The following ERI3 variants were observed in gnomAD, a reference collection of about 807,000 sequenced individuals.
ERI3 encodes ERI1 exoribonuclease 3.
ERI3 carries 18 observed loss-of-function variants against 44.4 expected under a neutral mutation model. That is an observed-to-expected ratio of 0.41 (90% CI 0.28 to 0.60). The LOEUF (loss-of-function observed/expected upper bound fraction) is 0.60, where lower values mean the gene tolerates loss of function less well. ERI3 is among the 20% of genes least tolerant of loss of function. The pLI is 0.36. For missense variants in ERI3, 294 were observed against 435.5 expected, an observed-to-expected ratio of 0.68 and a Z score of 2.89; for synonymous variants, 183 against 164.8, an observed-to-expected ratio of 1.11 and a Z score of -0.84.
At chr1:44,275,896 A>C (rs75246) in intron 7 of ERI3, among the ~76,000 whole-genome samples, 65,452 of 152,000 alleles carry the variant, frequency 0.43, 15,915 homozygotes, top group African/African-American at 0.67. Flanking sequence ...ATACTTGAGG[A>C]TGGGTAATTT....
chr1:44,239,740 G>A (rs958320080), intron 8 of ERI3, among the ~76,000 whole-genome samples: 4 of 152,220 alleles, frequency 2.6e-5, no homozygotes, highest in Non-Finnish European at 5.9e-5. Flanking sequence ...AACAGTGAGT[G>A]TAAGCGTTTC....
At chr1:44,262,668 G>T (rs1165410517) in intron 7 of ERI3, among the ~76,000 whole-genome samples, 1 of 152,246 alleles carries the variant, frequency 6.6e-6, no homozygotes, top group Non-Finnish European at 1.5e-5. Context: ...GCCCAATCCA[G>T]CCTAGCGGGA....
intron 7 of ERI3, among the ~76,000 whole-genome samples, chr1:44,265,690 A>G (rs1229499830): frequency 6.6e-6 from 1 of 152,216 alleles, no homozygotes; most frequent in African/African-American, 2.4e-5. Flanking sequence ...ACAATGAAAT[A>G]TTATTTGGCA....
At chr1:44,295,724 T>C (rs941185328) in intron 6 of ERI3, among the ~76,000 whole-genome samples, 1 of 152,184 alleles carries the variant, frequency 6.6e-6, no homozygotes. Context: ...ATCATCTAAA[T>C]CAACTTTCAG....
chr1:44,229,059 C>T (rs1418963683), intron 8 of ERI3, among the ~76,000 whole-genome samples: 1 of 152,202 alleles, frequency 6.6e-6, no homozygotes, highest in Non-Finnish European at 1.5e-5. Flanking sequence ...CAGGCCTAGA[C>T]CAGGTGACCA....
chr1:44,225,677 A>T (rs74070451), intron 8 of ERI3, among the ~76,000 whole-genome samples: 1 of 152,308 alleles, frequency 6.6e-6, no homozygotes, highest in African/African-American at 2.4e-5. Context: ...CTCCACACAG[A>T]AGGGTTGCTC....
chr1:44,337,995 G>C (rs1460268944), intron 3 of ERI3, among the ~76,000 whole-genome samples: 1 of 152,118 alleles, frequency 6.6e-6, no homozygotes, highest in Non-Finnish European at 1.5e-5. Context: ...ACAATGAACT[G>C]CTACATCAGC....
In ERI3 at chr1:44,314,248, G is replaced by T. The variant is rs144925400; in HGVS notation, c.607-1020C>A. Among the ~76,000 whole-genome samples the T allele has an allele frequency of 1.6e-3, 247 of 152,218 alleles. 7 individuals are homozygous for T. In the East Asian group the frequency reaches 0.039, roughly 24 times the overall value. On this transcript the variant is annotated intron_variant, in intron 4 of 8. Transcript: ENST00000372257. ...GAAATTGCTGGCTCTAAAAGGGAAG[G>T]TTATTTTCTCATGGTGACTTACATG...
intron 1 of ERI3, 109 bp downstream of exon 1, chr1:44,354,783 A>C: frequency 7.8e-7 from 1 of 1,277,372 alleles, no homozygotes; most frequent in Non-Finnish European, 1.0e-6. Context: ...CATCCAGGGT[A>C]AGCACATGGG....
At chr1:44,257,446 G>T (rs953262413) in intron 7 of ERI3, among the ~76,000 whole-genome samples, 2 of 152,134 alleles carry the variant, frequency 1.3e-5, no homozygotes, top group African/African-American at 4.8e-5. Context: ...CACATCCAGG[G>T]CTGGCAGAGA....
chr1:44,330,817 G>T (rs1011157095), intron 3 of ERI3, among the ~76,000 whole-genome samples: 8 of 152,122 alleles, frequency 5.3e-5, no homozygotes, highest in Non-Finnish European at 1.2e-4. Flanking sequence ...CATCCCAATG[G>T]CATCTTAATC....
chr1:44,350,265 CTT>C (rs57939758), intron 2 of ERI3, among the ~76,000 whole-genome samples: 12 of 144,708 alleles, frequency 8.3e-5, no homozygotes, highest in African/African-American at 7.5e-5. Context: ...GGATTTTAAT[CTT>C]TTTTTTTTTT....
At chr1:44,353,027 A>G in intron 1 of ERI3, 102 bp from the exon 2 acceptor site, 2 of 1,573,574 alleles carry the variant, frequency 1.3e-6, no homozygotes, top group Non-Finnish European at 1.7e-6. Context: ...AAACTTCGGG[A>G]TAACTGCTAT....
At chr1:44,307,196 C>G (rs1489832259) in intron 6 of ERI3, among the ~76,000 whole-genome samples, 1 of 152,076 alleles carries the variant, frequency 6.6e-6, no homozygotes, top group Non-Finnish European at 1.5e-5. Flanking sequence ...GATTTGGGGC[C>G]TTTTCTTCCT....
At chr1:44,336,905 T>A (rs550251936) in intron 3 of ERI3, among the ~76,000 whole-genome samples, 39 of 152,334 alleles carry the variant, frequency 2.6e-4, no homozygotes, top group African/African-American at 8.4e-4. Context: ...GTAAACAATG[T>A]GAAGCCCTAA....
intron 3 of ERI3, among the ~76,000 whole-genome samples, chr1:44,337,380 C>G (rs946891229): frequency 1.3e-5 from 2 of 152,142 alleles, no homozygotes; most frequent in Non-Finnish European, 2.9e-5. Context: ...GATTTGGATC[C>G]CTAATTCCCA....
At chr1:44,293,219 G>A (rs2154324709) in intron 6 of ERI3, among the ~76,000 whole-genome samples, 1 of 152,380 alleles carries the variant, frequency 6.6e-6, no homozygotes, top group South Asian at 2.1e-4. Context: ...GAAAGGGGTG[G>A]GGCAAGCCCC....
At chr1:44,281,148 C>T (rs543090359) in intron 7 of ERI3, among the ~76,000 whole-genome samples, 4 of 152,292 alleles carry the variant, frequency 2.6e-5, no homozygotes, top group South Asian at 2.1e-4. Context: ...TCTGACCCTA[C>T]CCTACTAAGT....
intron 6 of ERI3, among the ~76,000 whole-genome samples, chr1:44,286,418 A>G (rs1238533593): frequency 6.6e-6 from 1 of 152,204 alleles, no homozygotes; most frequent in Non-Finnish European, 1.5e-5. Context: ...CTCAGAGGCA[A>G]CTGGATATCT....
Sources: gnomAD v4.1 joint callset for allele counts (sites outside exome capture counted in the v4.1 genomes callset) on GRCh38, gnomAD v4.1.1 for gene constraint, MANE v1.5 for transcripts, NCBI Gene and HGNC (gene_info 2026-07-23, HGNC 2026-07-21) for gene names.